Variants in CST8 observed in about 807,000 individuals in gnomAD.
The protein encoded by CST8 is cystatin 8.
Under a neutral mutation model 11.8 loss-of-function variants are expected in CST8, and 20 were observed. The observed-to-expected ratio is 1.70, with a 90% confidence interval of 1.20 to 2.47. The LOEUF is 2.47. Ranked by LOEUF, CST8 falls within the 30% of genes most tolerant of loss-of-function variation. CST8 has a pLI of 0.00. For synonymous variants in CST8, 77 were observed against 63.1 expected (o/e 1.22, Z -1.05); for missense variants, 196 against 167.2 (o/e 1.17, Z -0.95).
At chr20:23,502,996 T>C in the CST8 span, among the ~76,000 whole-genome samples, 15 of 151,810 alleles carry the variant, frequency 9.9e-5, no homozygotes, top group African/African-American at 3.6e-4. Context: ...ATTAATTACC[T>C]TTTTTTTAAA....
At chr20:23,496,531 G>A (rs964057472), downstream of CST8, among the ~76,000 whole-genome samples, 4 of 152,164 alleles carry the variant, frequency 2.6e-5, no homozygotes, top group Admixed American at 2.6e-4. Flanking sequence ...AGGACTACAG[G>A]ACTGGCGAGA....
the CST8 span, among the ~76,000 whole-genome samples, chr20:23,502,867 C>T: frequency 2.0e-4 from 30 of 152,190 alleles, no homozygotes; most frequent in Non-Finnish European, 2.6e-4. Context: ...TTTCTTTAGT[C>T]GACCCTAGAA....
the CST8 span, among the ~76,000 whole-genome samples, chr20:23,504,051 A>C: frequency 5.3e-5 from 8 of 152,260 alleles, no homozygotes; most frequent in Non-Finnish European, 1.0e-4. Context: ...TTTGCTGTAA[A>C]GGTGAGGAAA....
chr20:23,495,736 T>TA (rs1988022990), intron 3 of CST8, 95 bp from the exon 4 acceptor site: 1 of 959,004 alleles, frequency 1.0e-6, no homozygotes, highest in Non-Finnish European at 1.6e-6. Context: ...AGCACACACC[T>TA]AAACTGACAC....
At chr20:23,492,027 T>G (rs946061594) in intron 2 of CST8, 129 bp downstream of exon 2, 4 of 687,266 alleles carry the variant, frequency 5.8e-6, no homozygotes, top group Admixed American at 5.1e-5. Flanking sequence ...CTTAAGAGCC[T>G]AGACACTTCC....
the CST8 span, among the ~76,000 whole-genome samples, chr20:23,505,056 T>C: frequency 6.6e-6 from 1 of 152,114 alleles, no homozygotes; most frequent in East Asian, 1.9e-4. Context: ...TTTGCAATTG[T>C]TACAGGCAAT....
Position 23,492,951 on chromosome 20 carries a change from C to G in CST8, c.232-7C>G. ...TTGAATAAAATTGCATAATTGCTAA[C>G]CAACAGGTCACAAATCTTCTGGAAT... On this transcript the variant is annotated splice_polypyrimidine_tract_variant and splice_region_variant and intron_variant, in intron 2 of 3. Transcript: ENST00000246012. 6.6e-7 allele frequency: 1 copy of G among 1,513,620 alleles called. No homozygotes were observed. Among genetic ancestry groups the G allele is most frequent in the Non-Finnish European group, 9.2e-7 (1 of 1,088,958 alleles). The allele number at this position is 1,513,620 out of a possible 1,614,324, so 93.8% of individuals were successfully genotyped here.
the CST8 span, among the ~76,000 whole-genome samples, chr20:23,503,307 A>G: frequency 1.3e-5 from 2 of 152,240 alleles, no homozygotes; most frequent in Non-Finnish European, 2.9e-5. Context: ...ACTTTATTAG[A>G]GTATAAAACT....
At chr20:23,499,644 C>T (rs1988136239), downstream of CST8, among the ~76,000 whole-genome samples, 1 of 152,164 alleles carries the variant, frequency 6.6e-6, no homozygotes, top group Non-Finnish European at 1.5e-5. Context: ...TTGGATGCTG[C>T]CAGGCTCAGG....
At chr20:23,499,827 C>G (rs1988140664), downstream of CST8, among the ~76,000 whole-genome samples, 1 of 152,176 alleles carries the variant, frequency 6.6e-6, no homozygotes, top group Admixed American at 6.5e-5. Context: ...GGAGTGAGGT[C>G]TGTCTCAGTC....
intron 2 of CST8, 94 bp from the exon 3 acceptor site, chr20:23,492,864 G>A (rs563988576): frequency 2.4e-4 from 190 of 784,034 alleles, no homozygotes; most frequent in Admixed American, 1.0e-3. Flanking sequence ...AAGGAAAGAG[G>A]AAAGGACGAG....
At chr20:23,506,243 G>A in the CST8 span, among the ~76,000 whole-genome samples, 3 of 152,108 alleles carry the variant, frequency 2.0e-5, no homozygotes, top group East Asian at 1.9e-4. Context: ...GAAACAAGAC[G>A]GACACACCGG....
the CST8 span, among the ~76,000 whole-genome samples, chr20:23,505,021 C>T: frequency 2.6e-5 from 4 of 151,934 alleles, no homozygotes; most frequent in South Asian, 6.2e-4. Context: ...GATTGGGGTT[C>T]CTTGAATTTT....
At chr20:23,502,940 G>T in the CST8 span, among the ~76,000 whole-genome samples, 1 of 152,008 alleles carries the variant, frequency 6.6e-6, no homozygotes. Flanking sequence ...CTAGGGGTTG[G>T]CTCCTACTAA....
At chr20:23,494,963 C>G (rs1459894949) in intron 3 of CST8, among the ~76,000 whole-genome samples, 1 of 152,114 alleles carries the variant, frequency 6.6e-6, no homozygotes, top group African/African-American at 2.4e-5. Context: ...CTCTCTCTCC[C>G]CCGCCCTCCA....
Position 23,491,588 on chromosome 20 carries a change from G to C in CST8, c.-80G>C. 9.3e-7 allele frequency: 1 copy of C among 1,076,152 alleles called. No individual in the cohort carries two copies. Among genetic ancestry groups the C allele is most frequent in the Non-Finnish European group, 1.4e-6 (1 of 710,774 alleles). The allele number at this position is 1,076,152 out of a possible 1,614,324, so 66.7% of individuals were successfully genotyped here. ...GATTCTTGAACCCACAGCAGCAGCT[G>C]CGGCCACCCCATCCTGCCCACAGCT... On this transcript the variant is annotated 5_prime_UTR_variant, in exon 2 of 4. Coordinates refer to ENST00000246012, the MANE Select transcript of CST8 (RefSeq NM_005492.4).
At chr20:23,493,659 G>T (rs1987958588) in intron 3 of CST8, among the ~76,000 whole-genome samples, 1 of 152,192 alleles carries the variant, frequency 6.6e-6, no homozygotes, top group South Asian at 2.1e-4. Flanking sequence ...CCAACAAAAG[G>T]AGGACTTGGC....
downstream of CST8, among the ~76,000 whole-genome samples, chr20:23,499,031 T>C (rs985336434): frequency 4.6e-5 from 7 of 152,168 alleles, no homozygotes; most frequent in Non-Finnish European, 4.4e-5. Context: ...TTGGAACATC[T>C]TGAATTGTCT....
At chr20:23,497,403 C>G (rs891254842), downstream of CST8, among the ~76,000 whole-genome samples, 14 of 152,224 alleles carry the variant, frequency 9.2e-5, no homozygotes, top group African/African-American at 2.9e-4. Context: ...CATCTGGATG[C>G]TTCCTTTGGC....
Sources: gnomAD v4.1 joint callset for allele counts (sites outside exome capture counted in the v4.1 genomes callset) on GRCh38, gnomAD v4.1.1 for gene constraint, MANE v1.5 for transcripts, NCBI Gene and HGNC (gene_info 2026-07-23, HGNC 2026-07-21) for gene names.